The following TOX2 variants were observed in gnomAD, a reference collection of about 807,000 sequenced individuals.
The protein encoded by TOX2 is TOX high mobility group box family member 2.
In TOX2, 15 loss-of-function variants were observed where a neutral mutation model predicts 47.4. The observed-to-expected ratio is 0.32, with a 90% confidence interval of 0.21 to 0.49. The LOEUF (loss-of-function observed/expected upper bound fraction) is 0.49, where lower values mean the gene tolerates loss of function less well. Among genes scored for constraint, TOX2 ranks in the 20% least tolerant of loss-of-function variants. The pLI is 0.99. For missense variants in TOX2, 622 were observed against 673.1 expected, an observed-to-expected ratio of 0.92 and a Z score of 0.84; for synonymous variants, 290 against 296.6, an observed-to-expected ratio of 0.98 and a Z score of 0.23.
At chr20:43,997,339 C>A (rs186994082) in intron 2 of TOX2, among the ~76,000 whole-genome samples, 1 of 152,140 alleles carries the variant, frequency 6.6e-6, no homozygotes, top group African/African-American at 2.4e-5. Context: ...GATAAAATCA[C>A]AATCACAGTG....
At chr20:44,057,009 A>C (rs1426695249) in intron 5 of TOX2, among the ~76,000 whole-genome samples, 6 of 152,174 alleles carry the variant, frequency 3.9e-5, no homozygotes, top group Admixed American at 3.9e-4. Context: ...TCCTGGGCTC[A>C]AGCAATTTTC....
At position 43,994,691 on chromosome 20, in the gene TOX2, T is replaced by TG. The variant is rs144709003; in HGVS notation, c.166-11855dup. Among the ~76,000 whole-genome samples the TG allele has an allele frequency of 5.4e-3, 821 of 152,304 alleles. 9 individuals carry two copies. The highest frequency in any genetic ancestry group is 0.018 in the African/African-American group (766 of 41,568). On this transcript the variant is annotated intron_variant, in intron 2 of 8. Coordinates refer to ENST00000341197, the MANE Select transcript of TOX2 (RefSeq NM_001098797.2). ...TATCTTTCCAGAGCCTCCCCGTCCC[T>TG]GCCCGGTGAATCACCCAGGATGCTG...
chr20:44,010,956 G>A (rs1341832016), intron 3 of TOX2, among the ~76,000 whole-genome samples: 4 of 152,066 alleles, frequency 2.6e-5, no homozygotes, highest in Admixed American at 6.5e-5. Flanking sequence ...AGAGGCTGTC[G>A]GGGAGAATCC....
intron 3 of TOX2, among the ~76,000 whole-genome samples, chr20:44,012,550 G>A (rs1045980493): frequency 9.2e-5 from 14 of 152,274 alleles, no homozygotes; most frequent in African/African-American, 7.2e-5. Flanking sequence ...ACTTAGTGCA[G>A]GAGAGGTATG....
At chr20:43,962,272 C>G (rs910879922) in intron 1 of TOX2, among the ~76,000 whole-genome samples, 2 of 152,226 alleles carry the variant, frequency 1.3e-5, no homozygotes, top group Admixed American at 1.3e-4. Flanking sequence ...CAGGCCCGGC[C>G]CTCTGGGCAG....
At position 44,068,999 on chromosome 20, in the gene TOX2, A is replaced by G. The variant is rs1311626720; in HGVS notation, c.*313A>G. 1 of 501,278 alleles carries G rather than the reference A, an allele frequency of 2.0e-6. No individual in the cohort carries two copies. Among genetic ancestry groups the G allele is most frequent in the South Asian group, 1.7e-5 (1 of 57,544 alleles). The allele number at this position is 501,278 out of a possible 1,614,324, so 31.1% of individuals were successfully genotyped here. A position where few individuals can be genotyped will look rare whatever the true frequency, so the allele number is the denominator to read the frequency against. Reference sequence around the variant, plus strand: ...TGTCTGGACACCCGGCCCCAGCTCCAGCCCCAGCCCAGGTGGGCCGCCCCT... The same window carrying G: ...TGTCTGGACACCCGGCCCCAGCTCCGGCCCCAGCCCAGGTGGGCCGCCCCT... On this transcript the variant is annotated 3_prime_UTR_variant, in exon 9 of 9. Transcript: ENST00000341197.
At chr20:43,968,376 A>G (rs1343804353) in intron 1 of TOX2, among the ~76,000 whole-genome samples, 1 of 152,244 alleles carries the variant, frequency 6.6e-6, no homozygotes, top group Non-Finnish European at 1.5e-5. Flanking sequence ...CTGACTGTCT[A>G]AGATCAGGGC....
intron 1 of TOX2, among the ~76,000 whole-genome samples, chr20:43,971,083 C>T (rs540781813): frequency 2.0e-5 from 3 of 152,282 alleles, no homozygotes; most frequent in Non-Finnish European, 4.4e-5. Flanking sequence ...ACCATCAACC[C>T]AACTGCCTAG....
intron 1 of TOX2, among the ~76,000 whole-genome samples, chr20:43,927,625 C>CTTCCTTGCT (rs146262327): frequency 4.9e-5 from 4 of 81,344 alleles, no homozygotes; most frequent in Non-Finnish European, 8.8e-5. Context: ...TCCTTCCTTC[C>CTTCCTTGCT]TCCTTCCTTC....
At chr20:44,056,968 G>A (rs1016277134) in intron 5 of TOX2, among the ~76,000 whole-genome samples, 1 of 152,140 alleles carries the variant, frequency 6.6e-6, no homozygotes, top group Non-Finnish European at 1.5e-5. Context: ...AGAGGTCAGT[G>A]GCATGATCAT....
At chr20:44,064,738 A>G (rs2071780066) in intron 5 of TOX2, 39 bp from the exon 6 acceptor site, 4 of 1,601,420 alleles carry the variant, frequency 2.5e-6, no homozygotes, top group Non-Finnish European at 3.4e-6. Context: ...CTCCTCTGTA[A>G]CTTTCTCCCC....
chr20:44,020,053 C>T (rs765413880), intron 3 of TOX2, among the ~76,000 whole-genome samples: 4 of 152,208 alleles, frequency 2.6e-5, no homozygotes, highest in South Asian at 2.1e-4. Flanking sequence ...ACCAGCTGTG[C>T]GACCTCAGCC....
At chr20:43,998,858 C>T (rs1358526374) in intron 2 of TOX2, among the ~76,000 whole-genome samples, 1 of 152,186 alleles carries the variant, frequency 6.6e-6, no homozygotes, top group Non-Finnish European at 1.5e-5. Flanking sequence ...TTCCCGGGTT[C>T]AAGGGATTCT....
Position 43,969,309 on chromosome 20 carries a change from C to T in TOX2, c.100-4058C>T, listed in dbSNP as rs573544978. Among the ~76,000 whole-genome samples the T allele has an allele frequency of 5.9e-5, 9 of 152,268 alleles. No homozygotes were observed. The East Asian group carries it at 1.4e-3, about 23-fold the overall frequency. Reference sequence around the variant, plus strand: ...GTGTGTGCTGCCCATGCTGTGCACACGGTGTACATCATATACCTTTGTGTT... The same window carrying T: ...GTGTGTGCTGCCCATGCTGTGCACATGGTGTACATCATATACCTTTGTGTT... On this transcript the variant is annotated intron_variant, in intron 1 of 8. Coordinates refer to ENST00000341197, the MANE Select transcript of TOX2 (RefSeq NM_001098797.2).
rs1413162887 is a variant in TOX2, at chr20:43,916,341, G to C, written c.99+1351G>C. ...CCCGGCGCGGATCCCGGGGCCTCCC[G>C]GGCTGGGCCTCCCTGAGTGCGCCCT... On this transcript the variant is annotated intron_variant, in intron 1 of 8. Coordinates refer to ENST00000341197, the MANE Select transcript of TOX2 (RefSeq NM_001098797.2). The surrounding 1 kb of genome is among the most constrained non-coding windows in gnomAD (Gnocchi z 5.0). 2.2e-5 allele frequency: 15 copies of C among 677,666 alleles called. No individual in the cohort carries two copies. Among genetic ancestry groups the C allele is most frequent in the Non-Finnish European group, 2.2e-5 (12 of 548,924 alleles). 42.0% of individuals were successfully genotyped at this position (677,666 alleles called of 1,614,324 possible). A position where few individuals can be genotyped will look rare whatever the true frequency, so the allele number is the denominator to read the frequency against.
chr20:44,010,973 G>A (rs1457061485), intron 3 of TOX2, among the ~76,000 whole-genome samples: 14 of 152,212 alleles, frequency 9.2e-5, no homozygotes, highest in African/African-American at 3.1e-4. Context: ...ATCCAGCCTC[G>A]CTTCTCCTCC....
chr20:43,929,188 A>G (rs145595468), intron 1 of TOX2, among the ~76,000 whole-genome samples: 39 of 152,000 alleles, frequency 2.6e-4, no homozygotes, highest in African/African-American at 9.4e-4. Context: ...ACAAACAAAA[A>G]CAGGGAAAAA....
chr20:43,918,900 G>A (rs1294376392), intron 1 of TOX2, among the ~76,000 whole-genome samples: 2 of 152,090 alleles, frequency 1.3e-5, no homozygotes, highest in Non-Finnish European at 1.5e-5. Flanking sequence ...GTTTCAGGAC[G>A]GTTAAGTGAG....
chr20:43,957,052 A>T (rs1290343837), intron 1 of TOX2, among the ~76,000 whole-genome samples: 1 of 152,238 alleles, frequency 6.6e-6, no homozygotes, highest in Non-Finnish European at 1.5e-5. Flanking sequence ...TCCACAGAAG[A>T]TATTAATGCA....
Sources: allele counts gnomAD v4.1 joint callset (sites outside exome capture counted in the v4.1 genomes callset), GRCh38; gene constraint gnomAD v4.1.1; non-coding constraint Gnocchi (gnomAD v3.1); transcripts MANE v1.5; gene names NCBI Gene and HGNC (gene_info 2026-07-23, HGNC 2026-07-21).